KCTD16: variants seen among roughly 807,000 people sequenced by gnomAD.
KCTD16 encodes the protein potassium channel tetramerization domain containing 16.
Under a neutral mutation model 33.2 loss-of-function variants are expected in KCTD16, and 13 were observed. The ratio of observed to expected loss-of-function variants is 0.39; its 90% CI spans 0.25 to 0.62. The LOEUF (loss-of-function observed/expected upper bound fraction) is 0.62, where lower values mean the gene tolerates loss of function less well. Among genes scored for constraint, KCTD16 ranks in the 20% least tolerant of loss-of-function variants. KCTD16 has a pLI of 0.50. For missense variants in KCTD16, 441 were observed against 525.1 expected (o/e 0.84, Z 1.57); for synonymous variants, 197 against 195.3 (o/e 1.01, Z -0.07).
intron 3 of KCTD16, among the ~76,000 whole-genome samples, chr5:144,428,843 G>T (rs1170816601): frequency 6.6e-6 from 1 of 152,178 alleles, no homozygotes; most frequent in Non-Finnish European, 1.5e-5. Flanking sequence ...ATATTTGAGA[G>T]GGGCAGATGC....
At chr5:144,316,741 G>A (rs1434062874) in intron 3 of KCTD16, among the ~76,000 whole-genome samples, 2 of 151,342 alleles carry the variant, frequency 1.3e-5, no homozygotes. Flanking sequence ...TCAAATTCCT[G>A]ACCTCAGGTG....
intron 3 of KCTD16, among the ~76,000 whole-genome samples, chr5:144,433,462 G>C (rs1039371338): frequency 6.6e-6 from 1 of 152,086 alleles, no homozygotes; most frequent in Non-Finnish European, 1.5e-5. Context: ...AAGAAAAACT[G>C]TAACTCTAGA....
At chr5:144,236,789 TTC>T (rs1754266619) in intron 3 of KCTD16, among the ~76,000 whole-genome samples, 1 of 152,130 alleles carries the variant, frequency 6.6e-6, no homozygotes, top group African/African-American at 2.4e-5. Context: ...AAGGAGATTT[TTC>T]TGTTACTCAC....
chr5:144,333,172 G>A (rs1196865276), intron 3 of KCTD16, among the ~76,000 whole-genome samples: 1 of 151,966 alleles, frequency 6.6e-6, no homozygotes, highest in African/African-American at 2.4e-5. Context: ...GTGCTTTTTT[G>A]CTAAGCAATG....
chr5:144,315,854 A>G (rs2126880808), intron 3 of KCTD16, among the ~76,000 whole-genome samples: 1 of 152,316 alleles, frequency 6.6e-6, no homozygotes, highest in African/African-American at 2.4e-5. Context: ...ATTACACATG[A>G]CTTAAGATTT....
Position 144,473,808 on chromosome 5 carries a change from G to A in KCTD16, c.981G>A (p.Thr327=), listed in dbSNP as rs774023034. The A allele has an allele frequency of 7.4e-6, 12 of 1,613,936 alleles. No homozygotes were observed. The highest frequency in any genetic ancestry group is 1.3e-5 in the African/African-American group (1 of 74,888). The change falls in exon 4 of 4, where the codon ACG becomes ACA. Residue 327 remains threonine, a synonymous_variant. Coordinates refer to ENST00000512467, the MANE Select transcript of KCTD16 (RefSeq NM_020768.4). ...SQSEASSPQE[T]VICGPVTRQT... ...CTGAGGCCAGCTCTCCCCAGGAGAC[G>A]GTCATCTGTGGTCCCGTGACACGCC...
intron 3 of KCTD16, among the ~76,000 whole-genome samples, chr5:144,262,057 A>C (rs1180555792): frequency 6.6e-6 from 1 of 152,200 alleles, no homozygotes; most frequent in Non-Finnish European, 1.5e-5. Flanking sequence ...TGAGAAAGAA[A>C]GACAATAAAA....
intron 3 of KCTD16, among the ~76,000 whole-genome samples, chr5:144,265,669 A>G (rs561748603): frequency 1.8e-4 from 28 of 152,344 alleles, no homozygotes; most frequent in Non-Finnish European, 2.2e-4. Flanking sequence ...TGTTGAATGA[A>G]TGAACCATCA....
chr5:144,177,297 A>G (rs139124945), intron 2 of KCTD16, among the ~76,000 whole-genome samples: 1 of 152,338 alleles, frequency 6.6e-6, no homozygotes, highest in Non-Finnish European at 1.5e-5. Flanking sequence ...GGAACATTAT[A>G]CTGCTGTTGA....
At chr5:144,272,627 C>A (rs886136707) in intron 3 of KCTD16, among the ~76,000 whole-genome samples, 3 of 152,068 alleles carry the variant, frequency 2.0e-5, no homozygotes, top group Admixed American at 6.6e-5. Flanking sequence ...AACATATAGA[C>A]CCATAGAATA....
chr5:144,401,464 A>C (rs1177545333), intron 3 of KCTD16, among the ~76,000 whole-genome samples: 4 of 152,206 alleles, frequency 2.6e-5, no homozygotes, highest in African/African-American at 9.7e-5. Flanking sequence ...GTATTAAAAA[A>C]AGTTAAAGAC....
At chr5:144,193,889 A>G (rs940551805) in intron 2 of KCTD16, among the ~76,000 whole-genome samples, 1 of 152,192 alleles carries the variant, frequency 6.6e-6, no homozygotes, top group Admixed American at 6.5e-5. Flanking sequence ...GGATCAGATG[A>G]TGGATTTTCA....
intron 3 of KCTD16, among the ~76,000 whole-genome samples, chr5:144,353,273 A>G (rs1238798496): frequency 6.6e-6 from 1 of 152,174 alleles, no homozygotes; most frequent in Non-Finnish European, 1.5e-5. Context: ...TGTGTGGGGA[A>G]TACTCTGGCT....
At chr5:144,261,918 G>A (rs1034372393) in intron 3 of KCTD16, among the ~76,000 whole-genome samples, 2 of 152,008 alleles carry the variant, frequency 1.3e-5, no homozygotes, top group Non-Finnish European at 2.9e-5. Context: ...GATTAAATAA[G>A]TACTTCACAT....
rs113579797 is a variant in KCTD16 at position 144,239,766 on chromosome 5, C to G, written c.832+32220C>G. The stretch of plus-strand genomic sequence containing the variant: ...CACATAAAATAATAGTGAATGATAA[C>G]TATACAACGCATAAACTATATGTAG... On this transcript the variant is annotated intron_variant, in intron 3 of 3. Coordinates refer to ENST00000512467, the MANE Select transcript of KCTD16 (RefSeq NM_020768.4). 8.3e-3 allele frequency among the ~76,000 whole-genome samples: 1,260 copies of G among 152,186 alleles called. 12 individuals are homozygous for G. Among genetic ancestry groups the G allele is most frequent in the South Asian group, 0.03 (144 of 4,830 alleles).
intron 3 of KCTD16, among the ~76,000 whole-genome samples, chr5:144,328,688 C>T (rs1023205920): frequency 1.3e-5 from 2 of 152,020 alleles, no homozygotes; most frequent in African/African-American, 4.8e-5. Flanking sequence ...CCCTCTATCA[C>T]AGGCCTCCAG....
chr5:144,346,595 A>G (rs1223095171), intron 3 of KCTD16, among the ~76,000 whole-genome samples: 1 of 152,006 alleles, frequency 6.6e-6, no homozygotes, highest in African/African-American at 2.4e-5. Flanking sequence ...TTTGATTTGC[A>G]TTTCTCTGAT....
At chr5:144,307,874 T>C (rs1313513430) in intron 3 of KCTD16, among the ~76,000 whole-genome samples, 4 of 151,938 alleles carry the variant, frequency 2.6e-5, no homozygotes, top group Admixed American at 6.6e-5. Context: ...AGCCCCAGAG[T>C]GTCATTAGGG....
intron 3 of KCTD16, among the ~76,000 whole-genome samples, chr5:144,410,724 C>A (rs1173869183): frequency 6.6e-6 from 1 of 152,122 alleles, no homozygotes; most frequent in Non-Finnish European, 1.5e-5. Context: ...AGGCAATATA[C>A]TGTTGGGAAA....
Sources: gnomAD v4.1 joint callset for allele counts (sites outside exome capture counted in the v4.1 genomes callset) on GRCh38, gnomAD v4.1.1 for gene constraint, MANE v1.5 for transcripts, NCBI Gene and HGNC (gene_info 2026-07-23, HGNC 2026-07-21) for gene names.